BMP3: variants seen among roughly 807,000 people sequenced by gnomAD.
BMP3 encodes bone morphogenetic protein 3 (osteogenic).
A neutral mutation model predicts 38.1 loss-of-function variants in BMP3; 23 were observed. That is an observed-to-expected ratio of 0.60 (90% confidence interval 0.43 to 0.86). BMP3 has a LOEUF of 0.86. BMP3 is among the 40% of genes least tolerant of loss of function. The pLI is 0.00. For synonymous variants in BMP3, 258 were observed against 225.7 expected, an observed-to-expected ratio of 1.14 and a Z score of -1.28; for missense variants, 628 against 579.6, an observed-to-expected ratio of 1.08 and a Z score of -0.86.
chr4:81,049,438 A>G (rs905441395), intron 2 of BMP3, among the ~76,000 whole-genome samples: 6 of 152,164 alleles, frequency 3.9e-5, no homozygotes, highest in Non-Finnish European at 5.9e-5. Flanking sequence ...ACTCATCATA[A>G]TATTTGTCAA....
intron 1 of BMP3, among the ~76,000 whole-genome samples, chr4:81,043,269 T>C (rs75869196): frequency 0.12 from 18,527 of 152,208 alleles, 1,311 homozygotes; most frequent in African/African-American, 0.18. Context: ...ACCTCAGTCC[T>C]GTGGATCTCG....
intron 1 of BMP3, among the ~76,000 whole-genome samples, chr4:81,031,859 G>A (rs1259470195): frequency 6.6e-6 from 1 of 152,134 alleles, no homozygotes; most frequent in Non-Finnish European, 1.5e-5. Flanking sequence ...GGGTAGGCTG[G>A]AGGAGCTTCG....
chr4:81,050,717 C>T (rs1740380658), intron 2 of BMP3, among the ~76,000 whole-genome samples: 2 of 152,092 alleles, frequency 1.3e-5, no homozygotes, highest in African/African-American at 4.8e-5. Flanking sequence ...ACTCCAAAAA[C>T]ATTAAATCTT....
At chr4:81,052,180 G>A (rs533104104) in intron 2 of BMP3, among the ~76,000 whole-genome samples, 66 of 152,126 alleles carry the variant, frequency 4.3e-4, no homozygotes, top group African/African-American at 1.5e-3. Flanking sequence ...ATGGCTCAAA[G>A]TTCTGAAATT....
chr4:81,037,611 T>C (rs1182241743), intron 1 of BMP3, among the ~76,000 whole-genome samples: 1 of 152,126 alleles, frequency 6.6e-6, no homozygotes, highest in Non-Finnish European at 1.5e-5. Flanking sequence ...ATTCTAACAT[T>C]CTTAATATTT....
chr4:81,036,350 A>G (rs1440653718), intron 1 of BMP3, among the ~76,000 whole-genome samples: 1 of 152,040 alleles, frequency 6.6e-6, no homozygotes, highest in Non-Finnish European at 1.5e-5. Flanking sequence ...TTTAATAGGC[A>G]TAATAAAAAT....
At chr4:81,051,225 A>C (rs897237942) in intron 2 of BMP3, among the ~76,000 whole-genome samples, 2 of 152,202 alleles carry the variant, frequency 1.3e-5, no homozygotes, top group Non-Finnish European at 2.9e-5. Context: ...AATATTATCC[A>C]TATCTACACC....
At chr4:81,036,416 CT>C (rs1291642611) in intron 1 of BMP3, among the ~76,000 whole-genome samples, 4 of 151,924 alleles carry the variant, frequency 2.6e-5, no homozygotes, top group Non-Finnish European at 5.9e-5. Context: ...TATATATTTT[CT>C]TTTGGCTAGT....
chr4:81,049,919 G>T (rs968071351), intron 2 of BMP3, among the ~76,000 whole-genome samples: 1 of 152,152 alleles, frequency 6.6e-6, no homozygotes, highest in Non-Finnish European at 1.5e-5. Flanking sequence ...GTTCCCCCAG[G>T]CTAGACTGCT....
chr4:81,046,187 G>T lies in BMP3; in HGVS notation c.766G>T (p.Val256Leu). 1 of 1,614,056 alleles carries T rather than the reference G, an allele frequency of 6.2e-7. No homozygotes were observed. Among genetic ancestry groups the T allele is most frequent in the South Asian group, 1.1e-5 (1 of 91,082 alleles). ...DAAISEPESV[V>L]SSLQGHRNFP... ...CGCCATTTCTGAGCCAGAAAGTGTGGTATCAAGCTTACAGGGACACCGGAA... is the reference window on the plus strand; with the variant it reads ...CGCCATTTCTGAGCCAGAAAGTGTGTTATCAAGCTTACAGGGACACCGGAA... The change falls in exon 2 of 3, where the codon GTA (valine) becomes TTA (leucine). Residue 256 changes from valine (V) to leucine (L), a missense_variant. Physicochemically the swap from Val to Leu is conservative, Grantham distance 32. Coordinates refer to ENST00000282701, the MANE Select transcript of BMP3 (RefSeq NM_001201.5).
rs191021191 is a variant in BMP3, at chr4:81,049,178, C to T, written c.1227+2530C>T. On this transcript the variant is annotated intron_variant, in intron 2 of 2. Transcript: ENST00000282701. Reference sequence around the variant, plus strand: ...TACCTGTTATTGGCATTATTATTCACGGCCATTTCTGAGACTGAGGAGAAA... The same window carrying T: ...TACCTGTTATTGGCATTATTATTCATGGCCATTTCTGAGACTGAGGAGAAA... Among the ~76,000 whole-genome samples, 173 of 152,206 alleles carry T rather than the reference C, an allele frequency of 1.1e-3. 1 individual carries two copies. The highest frequency in any genetic ancestry group is 0.01 in the Middle Eastern group (3 of 294).
intron 2 of BMP3, among the ~76,000 whole-genome samples, chr4:81,051,029 G>A (rs199774719): frequency 7.1e-6 from 1 of 141,048 alleles, no homozygotes; most frequent in Admixed American, 7.1e-5. Context: ...AAAAAAAAAA[G>A]CAGGGGAAAC....
At chr4:81,040,836 G>A (rs1740053847) in intron 1 of BMP3, among the ~76,000 whole-genome samples, 1 of 151,972 alleles carries the variant, frequency 6.6e-6, no homozygotes, top group African/African-American at 2.4e-5. Flanking sequence ...AAACGCATAA[G>A]TATTTTTTGT....
In BMP3 at chr4:81,044,990, C is replaced by A. The variant is rs150139142; in HGVS notation, c.317-748C>A. Among the ~76,000 whole-genome samples the A allele has an allele frequency of 9.2e-5, 14 of 152,226 alleles. No homozygotes were observed. In the South Asian group the frequency reaches 2.9e-3, roughly 32 times the overall value. On this transcript the variant is annotated intron_variant, in intron 1 of 2. Coordinates refer to ENST00000282701, the MANE Select transcript of BMP3 (RefSeq NM_001201.5). Reference sequence around the variant, plus strand: ...GCGTGTATACATAGGAGAGCAATTGCGGAATCATAATAATTCTATGTTTAA... The same window carrying A: ...GCGTGTATACATAGGAGAGCAATTGAGGAATCATAATAATTCTATGTTTAA...
intron 1 of BMP3, among the ~76,000 whole-genome samples, chr4:81,042,804 T>G (rs1330665001): frequency 2.0e-5 from 3 of 152,170 alleles, no homozygotes; most frequent in Non-Finnish European, 4.4e-5. Flanking sequence ...TAGAACAGAG[T>G]GGCTTCTCTT....
chr4:81,052,306 A>C (rs1303242207), intron 2 of BMP3, among the ~76,000 whole-genome samples: 4 of 152,330 alleles, frequency 2.6e-5, no homozygotes, highest in East Asian at 1.9e-4. Context: ...TAAAAGAGGA[A>C]TCGAGAAACA....
In BMP3 at chr4:81,031,321, G is replaced by A; in HGVS notation, c.37G>A (p.Gly13Ser). 1 of 1,610,246 alleles carries A rather than the reference G, an allele frequency of 6.2e-7. No individual in the cohort carries two copies. ...GAGCAGGCTGCTCTTTCTGTGGCTG[G>A]GCTGCTTCTGCGTGAGCCTGGCGCA... The part of the protein sequence containing the change: ...GASRLLFLWL[G>S]CFCVSLAQGE... Residue 13 changes from glycine to serine, a missense_variant, in exon 1 of 3, where the codon GGC (glycine) becomes AGC (serine). Coordinates refer to ENST00000282701, the MANE Select transcript of BMP3 (RefSeq NM_001201.5).
At position 81,031,429 on chromosome 4, in the gene BMP3, G is replaced by C; in HGVS notation, c.145G>C (p.Glu49Gln). 6.2e-7 allele frequency: 1 copy of C among 1,613,644 alleles called. No individual in the cohort carries two copies. Among genetic ancestry groups the C allele is most frequent in the Non-Finnish European group, 8.5e-7 (1 of 1,179,878 alleles). Reference protein sequence around the residue: ...DRTAGGGPDSELQPQDKVSEH... With the variant: ...DRTAGGGPDSQLQPQDKVSEH... ...CACGGCAGGTGGTGGCCCGGACTCC[G>C]AGCTGCAGCCGCAAGACAAGGTCTC... The change falls in exon 1 of 3, where the codon GAG becomes CAG. Residue 49 changes from glutamate (E) to glutamine (Q), a missense_variant. Physicochemically the swap from Glu to Gln is conservative, Grantham distance 29 (BLOSUM62 2). Coordinates refer to ENST00000282701, the MANE Select transcript of BMP3 (RefSeq NM_001201.5).
rs186470747 is a variant in BMP3 at position 81,031,039 on chromosome 4, C to T, written c.-246C>T. ...TCAGCGTTGGAGTGGAGACGGCGCC[C>T]GCAGCGCCCTGCGCGGGTGAGGTCC... On this transcript the variant is annotated 5_prime_UTR_variant, in exon 1 of 3. Transcript: ENST00000282701. 1,111 of 510,174 alleles carry T rather than the reference C, an allele frequency of 2.2e-3. 8 individuals carry two copies. Among genetic ancestry groups the T allele is most frequent in the African/African-American group, 0.02 (978 of 48,802 alleles). 31.6% of individuals were successfully genotyped at this position (510,174 alleles called of 1,614,324 possible). A position where few individuals can be genotyped will look rare whatever the true frequency, so the allele number is the denominator to read the frequency against.
Sources: allele counts gnomAD v4.1 joint callset (sites outside exome capture counted in the v4.1 genomes callset), GRCh38; gene constraint gnomAD v4.1.1; transcripts MANE v1.5; gene names NCBI Gene and HGNC (gene_info 2026-07-23, HGNC 2026-07-21).